The following ZNF17 variants were observed in gnomAD, a reference collection of about 807,000 sequenced individuals.
ZNF17 encodes the protein zinc finger protein 17 (HPF3, KOX 10).
Under a neutral mutation model 7.7 loss-of-function variants are expected in ZNF17, and 4 were observed. The ratio of observed to expected loss-of-function variants is 0.52; its 90% CI spans 0.26 to 1.20. The LOEUF is 1.20. Ranked by LOEUF, ZNF17 falls within the 50% of genes most tolerant of loss-of-function variation. The pLI, the probability that ZNF17 is intolerant of heterozygous loss-of-function variation, is 0.14. For synonymous variants in ZNF17, 249 were observed against 258.8 expected (o/e 0.96, Z 0.36); for missense variants, 738 against 799.5 (o/e 0.92, Z 0.93).
chr19:57,412,673 T>C (rs2088785773), intron 1 of ZNF17, among the ~76,000 whole-genome samples: 2 of 152,076 alleles, frequency 1.3e-5, no homozygotes, highest in South Asian at 2.1e-4. Context: ...CTCTATCTCC[T>C]GACCTCATGA....
chr19:57,413,532 G>A, intron 1 of ZNF17, 64 bp from the exon 2 acceptor site: 2 of 1,519,046 alleles, frequency 1.3e-6, no homozygotes, highest in Non-Finnish European at 1.8e-6. Context: ...AGAGGTGGTT[G>A]TACAGTCAGC....
chr19:57,421,018 G>T lies in ZNF17; in HGVS notation c.1532G>T (p.Cys511Phe). 2 of 1,613,526 alleles carry T rather than the reference G, an allele frequency of 1.2e-6. No individual in the cohort carries two copies. The highest frequency in any genetic ancestry group is 1.7e-6 in the Non-Finnish European group (2 of 1,179,890). ...AGCATTTGTGGGAAATCCTTTAGAT[G>T]TCGCTCCACACTTGATACACATCAG... ...ECSICGKSFR[C>F]RSTLDTHQRI... The change falls in exon 4 of 4, where the codon TGT (cysteine) becomes TTT (phenylalanine). Residue 511 changes from cysteine (C) to phenylalanine (F), a missense_variant. By Grantham distance (205) the Cys-to-Phe change is radical (BLOSUM62 -2). Around this residue, in one of 3 missense-constraint regions of ZNF17, gnomAD observed 616 missense variants for 663.9 expected, o/e 0.93. Coordinates refer to ENST00000307658, the MANE Select transcript of ZNF17 (RefSeq NM_001330617.2).
rs563267418 is a variant in ZNF17, at chr19:57,411,304, G to A, written c.-123G>A. 9 of 1,552,996 alleles carry A rather than the reference G, an allele frequency of 5.8e-6. No individual in the cohort carries two copies. The South Asian group carries it at 8.3e-5, about 14-fold the overall frequency. On this transcript the variant is annotated 5_prime_UTR_variant, in exon 1 of 4. Transcript: ENST00000307658. ...GCTAGAGTGAGGCTCGGTTGAATCG[G>A]TTGCAGGCGTTGGTGCCTCTGTCAG...
At position 57,418,897 on chromosome 19, in the gene ZNF17, T is replaced by G. The variant is rs142705974; in HGVS notation, c.149-738T>G. ...TCCCGTTTTTTGTTTTTTTTTTGTT[T>G]TTGTTTTTGTTTTTGAGATGGAGTT... On this transcript the variant is annotated intron_variant, in intron 3 of 3. Coordinates refer to ENST00000307658, the MANE Select transcript of ZNF17 (RefSeq NM_001330617.2). 4.5e-3 allele frequency among the ~76,000 whole-genome samples: 649 copies of G among 145,252 alleles called. 3 individuals are homozygous for G. Among genetic ancestry groups the G allele is most frequent in the African/African-American group, 0.017 (619 of 36,292 alleles).
intron 1 of ZNF17, chr19:57,411,622 C>T (rs1288158963): frequency 2.2e-5 from 30 of 1,373,092 alleles, no homozygotes; most frequent in Non-Finnish European, 2.5e-5. Flanking sequence ...ACTGGGGAGC[C>T]CGAGCGTCTT....
In ZNF17 at chr19:57,419,915, C is replaced by T. The variant is rs73635319; in HGVS notation, c.429C>T (p.His143=). 5.7e-4 allele frequency: 927 copies of T among 1,614,174 alleles called. 3 individuals carry two copies. The African/African-American group carries it at 0.011, about 20-fold the overall frequency. ...GRPSFVNDSV[H]LAKRNLTCMQ... is the part of the protein sequence containing the mutation. ...CTTCGTTTGTGAATGACAGTGTTCA[C>T]CTGGCAAAGAGGAACCTCACATGCA... Residue 143 remains histidine (H), a synonymous_variant, in exon 4 of 4, where the codon CAC becomes CAT. Coordinates refer to ENST00000307658, the MANE Select transcript of ZNF17 (RefSeq NM_001330617.2).
chr19:57,413,243 G>C, intron 1 of ZNF17: 1 of 233,690 alleles, frequency 4.3e-6, no homozygotes, highest in South Asian at 1.1e-4. Context: ...AACACCGTAA[G>C]AAGTGGGAAA....
intron 2 of ZNF17, among the ~76,000 whole-genome samples, chr19:57,416,920 G>A (rs1001449104): frequency 1.3e-5 from 2 of 152,142 alleles, no homozygotes; most frequent in African/African-American, 4.8e-5. Flanking sequence ...GTGCCATGAA[G>A]ACCTAGTGTC....
In ZNF17 at chr19:57,420,445, T is replaced by G. The variant is rs1340336703; in HGVS notation, c.959T>G (p.Val320Gly). The G allele has an allele frequency of 6.2e-7, 1 of 1,614,204 alleles. No individual in the cohort carries two copies. Among genetic ancestry groups the G allele is most frequent in the East Asian group, 2.2e-5 (1 of 44,872 alleles). Residue 320 changes from valine to glycine, a missense_variant, in exon 4 of 4, where the codon GTT becomes GGT. Val to Gly is a moderately radical substitution (Grantham distance 109). This residue lies in a region of ZNF17 where 616 missense variants were observed against 663.9 expected (regional missense o/e 0.93). Coordinates refer to ENST00000307658, the MANE Select transcript of ZNF17 (RefSeq NM_001330617.2). ...GKAFLTQAHL[V>G]GHQKIHTGER... ...GCCTTCCTTACACAGGCTCACCTTG[T>G]TGGTCACCAGAAAATTCATACTGGA... is the stretch of plus-strand genomic sequence containing the variant.
At chr19:57,419,589 C>G (rs1229774763) in intron 3 of ZNF17, 46 bp from the exon 4 acceptor site, 2 of 1,562,148 alleles carry the variant, frequency 1.3e-6, no homozygotes, top group Non-Finnish European at 1.7e-6. Context: ...GGGGCTGCCT[C>G]TTCCCTCCAA....
intron 1 of ZNF17, among the ~76,000 whole-genome samples, chr19:57,412,801 A>T (rs2088786714): frequency 6.6e-6 from 1 of 152,144 alleles, no homozygotes; most frequent in Non-Finnish European, 1.5e-5. Context: ...AAATATGTAC[A>T]CATAGGTCGG....
At chr19:57,411,659 G>A (rs993909442) in intron 1 of ZNF17, 78 of 1,343,056 alleles carry the variant, frequency 5.8e-5, no homozygotes, top group Non-Finnish European at 7.0e-5. Context: ...AGGGTGAGGC[G>A]GAGTCTCGCC....
rs779101104 is a variant in ZNF17 at position 57,421,457 on chromosome 19, G to A, written c.1971G>A (p.Gln657=). 7 of 1,608,874 alleles carry A rather than the reference G, an allele frequency of 4.4e-6. No individual in the cohort carries two copies. Among genetic ancestry groups the A allele is most frequent in the Non-Finnish European group, 5.9e-6 (7 of 1,177,236 alleles). Residue 657 remains glutamine, a synonymous_variant, in exon 4 of 4, where the codon CAG becomes CAA. Transcript: ENST00000307658. ...TTAACCAAAATTCTCATCTCATTCA[G>A]CACCAGAAAGTTCACACCAGATAAA... The part of the protein sequence containing the change: ...RVFNQNSHLI[Q]HQKVHTR
chr19:57,414,660 G>A (rs533988792), intron 2 of ZNF17, among the ~76,000 whole-genome samples: 25 of 151,270 alleles, frequency 1.7e-4, no homozygotes, highest in Non-Finnish European at 2.9e-4. Context: ...TCTGAGGGGG[G>A]TAGTAGCTAG....
chr19:57,420,399 G>A lies in ZNF17; in HGVS notation c.913G>A (p.Val305Met), dbSNP rs749136259. The A allele has an allele frequency of 2.5e-6, 4 of 1,614,162 alleles. No homozygotes were observed. In the South Asian group the frequency reaches 4.4e-5, roughly 18 times the overall value. The stretch of plus-strand genomic sequence containing the variant: ...GATTCACACCAGGCCAAGGCCTTAT[G>A]TGTGTAGTGAATGTGGGAAGGCCTT... ...QRIHTRPRPYVCSECGKAFLT... is the reference protein window; with the variant it reads ...QRIHTRPRPYMCSECGKAFLT... The change falls in exon 4 of 4, where the codon GTG becomes ATG. Residue 305 changes from valine (V) to methionine (M), a missense_variant. Val to Met is a conservative substitution (Grantham distance 21). Coordinates refer to ENST00000307658, the MANE Select transcript of ZNF17 (RefSeq NM_001330617.2).
chr19:57,411,735 G>A (rs2088778340), intron 1 of ZNF17: 1 of 1,146,360 alleles, frequency 8.7e-7, no homozygotes, highest in Non-Finnish European at 1.1e-6. Context: ...CCCAGAGGTA[G>A]ACGTTTAAAG....
In ZNF17 at chr19:57,421,147, G is replaced by C. The variant is rs1018969823; in HGVS notation, c.1661G>C (p.Arg554Thr). The change falls in exon 4 of 4, where the codon AGG becomes ACG. Residue 554 changes from arginine to threonine, a missense_variant. By Grantham distance (71) the Arg-to-Thr change is moderately conservative (BLOSUM62 -1). Transcript: ENST00000307658. The stretch of plus-strand genomic sequence containing the variant: ...CATCGGAGAAATCACTTTGGAGAAA[G>C]GTCTTTTGAGTGCACTGAGTGTGGG... ...IRHRRNHFGERSFECTECGRV... is the reference protein window; with the variant it reads ...IRHRRNHFGETSFECTECGRV... 1.2e-6 allele frequency: 2 copies of C among 1,613,856 alleles called. No homozygotes were observed. Among genetic ancestry groups the C allele is most frequent in the African/African-American group, 2.7e-5 (2 of 74,928 alleles).
intron 2 of ZNF17, among the ~76,000 whole-genome samples, chr19:57,414,202 T>G (rs970444666): frequency 6.6e-5 from 10 of 151,824 alleles, no homozygotes; most frequent in African/African-American, 2.4e-4. Flanking sequence ...CCCGGCTAAT[T>G]TTTGTATTTT....
Position 57,421,311 on chromosome 19 carries a change from G to A in ZNF17, c.1825G>A (p.Glu609Lys). ...LISHERVHTG[E>K]KPYECSECGK... ...TAGTCATGAGAGAGTTCATACTGGA[G>A]AAAAGCCTTATGAGTGCAGTGAATG... is the stretch of plus-strand genomic sequence containing the variant. Residue 609 changes from glutamate to lysine, a missense_variant, in exon 4 of 4, where the codon GAA (glutamate) becomes AAA (lysine). Around this residue, in one of 3 missense-constraint regions of ZNF17, gnomAD observed 116 missense variants for 114.0 expected, o/e 1.02. Transcript: ENST00000307658. 6.2e-7 allele frequency: 1 copy of A among 1,614,130 alleles called. No individual in the cohort carries two copies. The highest frequency in any genetic ancestry group is 1.3e-5 in the African/African-American group (1 of 75,038).
Sources: allele counts gnomAD v4.1 joint callset (sites outside exome capture counted in the v4.1 genomes callset), GRCh38; gene constraint gnomAD v4.1.1; regional missense constraint gnomAD v4.1.1; transcripts MANE v1.5; gene names NCBI Gene and HGNC (gene_info 2026-07-23, HGNC 2026-07-21).